STX8: variants seen among roughly 807,000 people sequenced by gnomAD.
STX8 encodes the protein syntaxin-8.
In STX8, 23 loss-of-function variants were observed where a neutral mutation model predicts 37.5. That is an observed-to-expected ratio of 0.61 (90% CI 0.44 to 0.87). STX8 has a LOEUF of 0.87. Among genes scored for constraint, STX8 ranks in the 40% least tolerant of loss-of-function variants. The pLI is 0.00. For synonymous variants in STX8, 115 were observed against 99.1 expected, an observed-to-expected ratio of 1.16 and a Z score of -0.95; for missense variants, 313 against 284.7, an observed-to-expected ratio of 1.10 and a Z score of -0.71.
rs535402507 is a variant in STX8, at chr17:9,514,373, C to T, written c.324-9211G>A. ...TAATCCCAGCACTTTGGGAGGCCAA[C>T]GCAGGTGGATCACCTGAGGTCAGGA... On this transcript the variant is annotated intron_variant, in intron 4 of 7. Coordinates refer to ENST00000306357, the MANE Select transcript of STX8 (RefSeq NM_004853.3). 7.1e-4 allele frequency among the ~76,000 whole-genome samples: 108 copies of T among 152,088 alleles called. 1 individual carries two copies. In the Middle Eastern group the frequency reaches 0.02, roughly 29 times the overall value.
intron 7 of STX8, among the ~76,000 whole-genome samples, chr17:9,312,023 A>G (rs1418339840): frequency 6.6e-6 from 1 of 150,908 alleles, no homozygotes; most frequent in African/African-American, 2.4e-5. Context: ...AATTTTTTGT[A>G]TTTTTAGTAG....
At chr17:9,318,027 G>A (rs979256567) in intron 7 of STX8, among the ~76,000 whole-genome samples, 7 of 152,122 alleles carry the variant, frequency 4.6e-5, no homozygotes, top group African/African-American at 7.2e-5. Context: ...ATATGAACTC[G>A]CTCTGAAGAT....
chr17:9,493,617 A>C (rs1597706504), intron 5 of STX8, among the ~76,000 whole-genome samples: 1 of 152,260 alleles, frequency 6.6e-6, no homozygotes, highest in Non-Finnish European at 1.5e-5. Flanking sequence ...AGGGACCCTC[A>C]GCTGAGCCTT....
intron 6 of STX8, among the ~76,000 whole-genome samples, chr17:9,390,169 A>T (rs1912162674): frequency 6.6e-6 from 1 of 152,162 alleles, no homozygotes; most frequent in Non-Finnish European, 1.5e-5. Flanking sequence ...CAAAAAACAC[A>T]GGCTCCTTTC....
intron 6 of STX8, among the ~76,000 whole-genome samples, chr17:9,382,280 A>C (rs181978785): frequency 6.2e-4 from 95 of 152,314 alleles, no homozygotes; most frequent in South Asian, 1.2e-3. Context: ...TGATTCAGGA[A>C]AGGGGTAAAG....
At chr17:9,560,493 A>G (rs1417452467) in intron 2 of STX8, among the ~76,000 whole-genome samples, 1 of 151,942 alleles carries the variant, frequency 6.6e-6, no homozygotes, top group Non-Finnish European at 1.5e-5. Context: ...AGTAATACCT[A>G]GGGAGAGTTT....
Position 9,557,536 on chromosome 17 carries a change from G to GA in STX8, c.118-9dup, listed in dbSNP as rs770765527. 7 of 1,612,672 alleles carry GA rather than the reference G, an allele frequency of 4.3e-6. No homozygotes were observed. Among genetic ancestry groups the GA allele is most frequent in the Non-Finnish European group, 5.1e-6 (6 of 1,178,932 alleles). On this transcript the variant is annotated splice_polypyrimidine_tract_variant and intron_variant, in intron 2 of 7. Coordinates refer to ENST00000306357, the MANE Select transcript of STX8 (RefSeq NM_004853.3). The stretch of plus-strand genomic sequence containing the variant: ...TCTGATTGTCACGGTAAGCTGAAAA[G>GA]AAAAGAACACATCCTAAGTATTCTA...
intron 6 of STX8, among the ~76,000 whole-genome samples, chr17:9,414,933 G>C (rs898440925): frequency 6.6e-6 from 1 of 151,920 alleles, no homozygotes; most frequent in Non-Finnish European, 1.5e-5. Flanking sequence ...TGGGATTACA[G>C]GCACCCGCCA....
chr17:9,312,326 T>C (rs1393215454), intron 7 of STX8, among the ~76,000 whole-genome samples: 5 of 151,982 alleles, frequency 3.3e-5, no homozygotes, highest in African/African-American at 4.8e-5. Flanking sequence ...CTTGGCCTCC[T>C]GAGTAGCTGG....
At chr17:9,527,172 C>T (rs867753167) in intron 4 of STX8, among the ~76,000 whole-genome samples, 29 of 85,218 alleles carry the variant, frequency 3.4e-4, no homozygotes, top group Middle Eastern at 8.8e-3. Flanking sequence ...GGCGACAGAG[C>T]GAGACTCCGT....
intron 4 of STX8, among the ~76,000 whole-genome samples, chr17:9,517,417 G>C (rs906217036): frequency 3.3e-5 from 5 of 152,196 alleles, no homozygotes; most frequent in Admixed American, 6.5e-5. Flanking sequence ...GGAAATTACA[G>C]TATCACACAT....
intron 4 of STX8, among the ~76,000 whole-genome samples, chr17:9,538,941 G>T (rs1263832076): frequency 6.6e-6 from 1 of 152,146 alleles, no homozygotes. Flanking sequence ...AAGGGCGGGA[G>T]GGTTTTAAAT....
chr17:9,270,681 C>T (rs535367847), intron 7 of STX8, among the ~76,000 whole-genome samples: 14 of 152,204 alleles, frequency 9.2e-5, no homozygotes, highest in African/African-American at 2.6e-4. Context: ...AAGAAATGAA[C>T]GAATGAAAGC....
chr17:9,434,042 C>T (rs1048863578), intron 6 of STX8, among the ~76,000 whole-genome samples: 7 of 151,934 alleles, frequency 4.6e-5, no homozygotes, highest in African/African-American at 1.2e-4. Flanking sequence ...CTCACTCTAT[C>T]GCCTAGGCTG....
chr17:9,290,873 CT>C (rs1431386520), intron 7 of STX8, among the ~76,000 whole-genome samples: 1 of 152,176 alleles, frequency 6.6e-6, no homozygotes, highest in Non-Finnish European at 1.5e-5. Flanking sequence ...ACCCTGTCCC[CT>C]GGGAGGCTCA....
chr17:9,470,565 G>A (rs968266919), intron 6 of STX8, among the ~76,000 whole-genome samples: 3 of 152,128 alleles, frequency 2.0e-5, no homozygotes, highest in Non-Finnish European at 4.4e-5. Flanking sequence ...CCTTCTTTCT[G>A]TATCTTTTTC....
intron 6 of STX8, among the ~76,000 whole-genome samples, chr17:9,433,501 T>G (rs569828169): frequency 2.0e-5 from 3 of 152,306 alleles, no homozygotes; most frequent in Middle Eastern, 3.4e-3. Context: ...AAAAACTACC[T>G]ATTGGCCCTA....
intron 6 of STX8, among the ~76,000 whole-genome samples, chr17:9,432,569 G>C (rs1478995971): frequency 6.6e-6 from 1 of 152,106 alleles, no homozygotes; most frequent in African/African-American, 2.4e-5. Flanking sequence ...TAAAAGATGA[G>C]GAAGCAATTT....
At chr17:9,473,318 CA>C (rs1905959730) in intron 6 of STX8, among the ~76,000 whole-genome samples, 1 of 152,082 alleles carries the variant, frequency 6.6e-6, no homozygotes, top group Non-Finnish European at 1.5e-5. Context: ...CGTGCCCAGC[CA>C]TGTCTCAGGA....
Sources: gnomAD v4.1 joint callset for allele counts (sites outside exome capture counted in the v4.1 genomes callset) on GRCh38, gnomAD v4.1.1 for gene constraint, MANE v1.5 for transcripts, NCBI Gene and HGNC (gene_info 2026-07-23, HGNC 2026-07-21) for gene names.